NALCN: variants seen among roughly 807,000 people sequenced by gnomAD.
NALCN encodes the protein sodium leak channel NALCN.
In NALCN, 111 loss-of-function variants were observed where a neutral mutation model predicts 225.3. The observed-to-expected ratio is 0.49, with a 90% CI of 0.42 to 0.58. The LOEUF (loss-of-function observed/expected upper bound fraction) is 0.58. Among genes scored for constraint, NALCN ranks in the 20% least tolerant of loss-of-function variants. NALCN has a pLI of 0.00. For synonymous variants in NALCN, 764 were observed against 769.0 expected (o/e 0.99, Z 0.11); for missense variants, 1,378 against 2,202.4 (o/e 0.63, Z 7.49).
intron 11 of NALCN, among the ~76,000 whole-genome samples, chr13:101,257,885 T>G (rs955840014): frequency 2.0e-5 from 3 of 152,164 alleles, no homozygotes; most frequent in African/African-American, 7.2e-5. Flanking sequence ...ACCTTATCAA[T>G]AGGAAGTACT....
At chr13:101,178,790 T>C (rs1280013629) in intron 14 of NALCN, among the ~76,000 whole-genome samples, 1 of 152,242 alleles carries the variant, frequency 6.6e-6, no homozygotes, top group Non-Finnish European at 1.5e-5. Context: ...TAGTTATTTC[T>C]ATCTTGAGAA....
intron 18 of NALCN, among the ~76,000 whole-genome samples, chr13:101,113,691 C>T (rs1192396689): frequency 6.6e-6 from 1 of 152,120 alleles, no homozygotes; most frequent in Non-Finnish European, 1.5e-5. Flanking sequence ...AGTATAATGA[C>T]AGACTGATAT....
intron 15 of NALCN, among the ~76,000 whole-genome samples, chr13:101,169,166 A>C (rs1179801965): frequency 6.6e-6 from 1 of 152,126 alleles, no homozygotes; most frequent in Non-Finnish European, 1.5e-5. Flanking sequence ...CAGTGTCCTG[A>C]CCATCACATG....
At chr13:101,321,148 C>A (rs553611223) in intron 7 of NALCN, among the ~76,000 whole-genome samples, 32 of 152,158 alleles carry the variant, frequency 2.1e-4, no homozygotes, top group Non-Finnish European at 4.1e-4. Context: ...ATGTACGATT[C>A]TGAATTCTAG....
chr13:101,077,258 G>A (rs1009226217), intron 34 of NALCN, among the ~76,000 whole-genome samples: 2 of 152,160 alleles, frequency 1.3e-5, no homozygotes, highest in Admixed American at 6.5e-5. Context: ...CATGAAAAAG[G>A]ACTAACACAG....
At chr13:101,317,680 C>T (rs1276322039) in intron 7 of NALCN, among the ~76,000 whole-genome samples, 1 of 152,138 alleles carries the variant, frequency 6.6e-6, no homozygotes, top group Non-Finnish European at 1.5e-5. Flanking sequence ...CATGGACGCC[C>T]TCTCTTCCTG....
chr13:101,134,998 T>A (rs2036703608), intron 17 of NALCN, among the ~76,000 whole-genome samples: 1 of 152,038 alleles, frequency 6.6e-6, no homozygotes, highest in Non-Finnish European at 1.5e-5. Flanking sequence ...ATCGAGACCA[T>A]CCTGGCTAAC....
intron 1 of NALCN, among the ~76,000 whole-genome samples, chr13:101,407,717 CTATT>C (rs2047663927): frequency 6.6e-6 from 1 of 152,148 alleles, no homozygotes; most frequent in Admixed American, 6.5e-5. Context: ...TCCAAGTAGT[CTATT>C]TGTCGGGAGA....
intron 13 of NALCN, among the ~76,000 whole-genome samples, chr13:101,206,017 G>A (rs547859843): frequency 1.3e-5 from 2 of 151,906 alleles, no homozygotes; most frequent in Admixed American, 6.6e-5. Flanking sequence ...TTTGGTCAGA[G>A]AAATGCTTAT....
rs115759779 is a variant in NALCN, at chr13:101,370,868, C to A, written c.644+5832G>T. ...CAAGATAATGAACATGTCAATAAAC[C>A]CCAAAGGTTTCTTGAGGCCCCTTTG... On this transcript the variant is annotated intron_variant, in intron 6 of 43. Transcript: ENST00000251127. Among the ~76,000 whole-genome samples the A allele has an allele frequency of 4.6e-3, 701 of 152,164 alleles. 7 individuals carry two copies. Among genetic ancestry groups the A allele is most frequent in the African/African-American group, 0.016 (665 of 41,522 alleles).
chr13:101,100,785 C>T lies in NALCN; in HGVS notation c.3161G>A (p.Arg1054Lys). 6.2e-7 allele frequency: 1 copy of T among 1,604,278 alleles called. No individual in the cohort carries two copies. The highest frequency in any genetic ancestry group is 8.5e-7 in the Non-Finnish European group (1 of 1,175,432). Residue 1054 changes from arginine (R) to lysine (K), a missense_variant and splice_region_variant, in exon 27 of 44, where the codon AGG becomes AAG. By Grantham distance (26) the Arg-to-Lys change is conservative. Transcript: ENST00000251127. ...AKCNDPNIIR[R>K]EDCNGIFRIN... Reference sequence around the variant, plus strand: ...AAAAGACAGAAAGATACATCTTACCCTTCTAATAATGTTGGGATCATTGCA... The same window carrying T: ...AAAAGACAGAAAGATACATCTTACCTTTCTAATAATGTTGGGATCATTGCA...
Position 101,068,061 on chromosome 13 carries a change from TA to T in NALCN, c.4331-29del, listed in dbSNP as rs777930682. 11 of 1,303,042 alleles carry T rather than the reference TA, an allele frequency of 8.4e-6. No individual in the cohort carries two copies. The African/African-American group carries it at 1.6e-4, about 19-fold the overall frequency. The allele number at this position is 1,303,042 out of a possible 1,614,324, so 80.7% of individuals were successfully genotyped here. On this transcript the variant is annotated intron_variant, in intron 38 of 43. Transcript: ENST00000251127. ...TTTAAAAAAAGAAAAATTCAGAAGTTAGACCATTATGCTAATCTGTCATATT... is the reference window on the plus strand; with the variant it reads ...TTTAAAAAAAGAAAAATTCAGAAGTTGACCATTATGCTAATCTGTCATATT...
chr13:101,191,722 A>C (rs981034538), intron 14 of NALCN, among the ~76,000 whole-genome samples, 195 bp downstream of exon 14: 18 of 152,176 alleles, frequency 1.2e-4, no homozygotes. Context: ...TGATGGAGAA[A>C]ATATCTAACT....
intron 6 of NALCN, among the ~76,000 whole-genome samples, chr13:101,362,561 A>C (rs887343751): frequency 6.6e-6 from 1 of 152,068 alleles, no homozygotes; most frequent in African/African-American, 2.4e-5. Flanking sequence ...TCAAAACACT[A>C]AAAAATTGAG....
At chr13:101,392,112 A>G (rs1045044858) in intron 3 of NALCN, among the ~76,000 whole-genome samples, 1 of 152,138 alleles carries the variant, frequency 6.6e-6, no homozygotes, top group African/African-American at 2.4e-5. Flanking sequence ...CAACAGGACC[A>G]GATGATTTCA....
At chr13:101,204,670 C>T (rs543097282) in intron 13 of NALCN, among the ~76,000 whole-genome samples, 18 of 152,124 alleles carry the variant, frequency 1.2e-4, no homozygotes, top group South Asian at 6.2e-4. Flanking sequence ...CAAAAACCAG[C>T]GAATCTTTTT....
chr13:101,265,794 G>C (rs542627232), intron 10 of NALCN, among the ~76,000 whole-genome samples: 1 of 152,216 alleles, frequency 6.6e-6, no homozygotes, highest in East Asian at 1.9e-4. Flanking sequence ...GACATTGTGA[G>C]CCCAAACCAG....
chr13:101,106,694 T>C (rs1241231061), intron 22 of NALCN, among the ~76,000 whole-genome samples: 1 of 152,164 alleles, frequency 6.6e-6, no homozygotes, highest in Non-Finnish European at 1.5e-5. Context: ...TATGAGGGGT[T>C]TCTGCTTTCA....
chr13:101,374,443 T>C (rs1475986365), intron 6 of NALCN, among the ~76,000 whole-genome samples: 3 of 151,934 alleles, frequency 2.0e-5, no homozygotes, highest in East Asian at 1.9e-4. Flanking sequence ...TGTGCCACCA[T>C]GCCCGGCTAA....
Sources: allele counts gnomAD v4.1 joint callset (sites outside exome capture counted in the v4.1 genomes callset), GRCh38; gene constraint gnomAD v4.1.1; transcripts MANE v1.5; gene names NCBI Gene and HGNC (gene_info 2026-07-23, HGNC 2026-07-21).